PPARA: variants seen among roughly 807,000 people sequenced by gnomAD.
The protein encoded by PPARA is peroxisome proliferator activated receptor alpha, also known as peroxisome proliferator-activated receptor alpha.
PPARA carries 22 observed loss-of-function variants against 42.2 expected under a neutral mutation model. That is an observed-to-expected ratio of 0.52 (90% CI 0.37 to 0.74). The LOEUF is 0.74. Ranked by LOEUF, PPARA falls within the 30% of genes least tolerant of loss-of-function variation. PPARA has a pLI of 0.00. For synonymous variants in PPARA, 242 were observed against 239.3 expected, an observed-to-expected ratio of 1.01 and a Z score of -0.10; for missense variants, 465 against 608.2, an observed-to-expected ratio of 0.76 and a Z score of 2.48.
At chr22:46,185,931 A>G (rs1930697973) in intron 3 of PPARA, among the ~76,000 whole-genome samples, 1 of 30,992 alleles carries the variant, frequency 3.2e-5, no homozygotes, top group Admixed American at 3.5e-4. Context: ...ATATATATAT[A>G]TATATATATA....
rs1601634314 is a variant in PPARA, at chr22:46,171,332, G to A, written c.-126-5421G>A. On this transcript the variant is annotated intron_variant, in intron 2 of 8. Transcript: ENST00000407236. The surrounding 1 kb of genome is among the most constrained non-coding windows in gnomAD (Gnocchi z 5.0). ...TATTTGAGCTCCTTCTCTGTACCAG[G>A]CATTGTTCTAAGATACGTAAGTGAA... 6.6e-6 allele frequency: 1 copy of A among 152,400 alleles called. No homozygotes were observed. Among genetic ancestry groups the A allele is most frequent in the Non-Finnish European group, 1.5e-5 (1 of 68,120 alleles). 9.4% of individuals were successfully genotyped at this position (152,400 alleles called of 1,614,324 possible).
rs1033065352 is a variant in PPARA, at chr22:46,182,318, A to C, written c.-43+5482A>C. Among the ~76,000 whole-genome samples the C allele has an allele frequency of 6.6e-6, 1 of 152,242 alleles. No homozygotes were observed. The highest frequency in any genetic ancestry group is 1.5e-5 in the Non-Finnish European group (1 of 68,044). On this transcript the variant is annotated intron_variant, in intron 3 of 8. Transcript: ENST00000407236. The surrounding 1 kb of genome is among the most constrained non-coding windows in gnomAD (Gnocchi z 5.2). ...CTTGGAAACCATTCAGATGCCATTA[A>C]TAGGTGAATATATTCTCAAACTGTG...
In PPARA at chr22:46,203,424, T is replaced by C. The variant is rs181768054; in HGVS notation, c.208+4833T>C. On this transcript the variant is annotated intron_variant, in intron 4 of 8. Transcript: ENST00000407236. The surrounding 1 kb of genome is among the most constrained non-coding windows in gnomAD (Gnocchi z 5.8). ...TTTCTTCCCGGCTTTATTGCCATAA[T>C]TGACATACAATAAACTGCATGTATT... 1.3e-5 allele frequency among the ~76,000 whole-genome samples: 2 copies of C among 152,284 alleles called. No homozygotes were observed. Among genetic ancestry groups the C allele is most frequent in the East Asian group, 1.9e-4 (1 of 5,186 alleles).
intron 4 of PPARA, among the ~76,000 whole-genome samples, chr22:46,207,668 ATTATTATTATTTTTTTT>A (rs1295274597): frequency 6.3e-5 from 5 of 79,768 alleles, no homozygotes; most frequent in African/African-American, 2.7e-4. Context: ...TATTATTATT[ATTATTATTATTTTTTTT>A]TTTTTTTTTT....
chr22:46,215,051 G>A lies in PPARA; in HGVS notation c.209-122G>A, dbSNP rs1934343870. On this transcript the variant is annotated intron_variant, in intron 4 of 8. Coordinates refer to ENST00000407236, the MANE Select transcript of PPARA (RefSeq NM_005036.6). ...AGGCAGGGCCCGGCCCCGCATGGGT[G>A]TTCTGAGGTTTATGCCTCAGCACTA... 16 of 1,248,614 alleles carry A rather than the reference G, an allele frequency of 1.3e-5. No individual in the cohort carries two copies. The South Asian group carries it at 1.9e-4, about 15-fold the overall frequency. 77.3% of individuals were successfully genotyped at this position (1,248,614 alleles called of 1,614,324 possible).
At position 46,198,445 on chromosome 22, in the gene PPARA, G is replaced by A; in HGVS notation, c.62G>A (p.Ser21Asn). ...LSPLEAGDLE[S>N]PLSEEFLQEM... The stretch of plus-strand genomic sequence containing the variant: ...CCACTCGAGGCCGGCGATCTAGAGA[G>A]CCCGTTATCTGAAGAGTTCCTGCAA... The change falls in exon 4 of 9, where the codon AGC becomes AAC. Residue 21 changes from serine to asparagine, a missense_variant. Around this residue, in one of 2 missense-constraint regions of PPARA, gnomAD observed 152 missense variants for 139.1 expected, o/e 1.09. Transcript: ENST00000407236. The A allele has an allele frequency of 6.2e-7, 1 of 1,613,782 alleles. No individual in the cohort carries two copies. Among genetic ancestry groups the A allele is most frequent in the African/African-American group, 1.3e-5 (1 of 74,940 alleles).
Position 46,192,043 on chromosome 22 carries a change from G to A in PPARA, c.-42-6299G>A, listed in dbSNP as rs1931636407. 6.6e-6 allele frequency among the ~76,000 whole-genome samples: 1 copy of A among 152,196 alleles called. No homozygotes were observed. Among genetic ancestry groups the A allele is most frequent in the Non-Finnish European group, 1.5e-5 (1 of 68,032 alleles). On this transcript the variant is annotated intron_variant, in intron 3 of 8. Coordinates refer to ENST00000407236, the MANE Select transcript of PPARA (RefSeq NM_005036.6). This position sits in a 1 kb window ranked among gnomAD's most constrained non-coding sequence, Gnocchi z 4.3. ...TCACGCCACTGTACTCCAGCCTGGT[G>A]ACAGAGTGAGACTCCATCTCAAAAA...
chr22:46,150,672 CGGGCGGGCGGGA>C lies in PPARA; in HGVS notation c.-210+21_-210+32del, dbSNP rs1386159574. On this transcript the variant is annotated intron_variant, in intron 1 of 8. Transcript: ENST00000407236. This position sits in a 1 kb window ranked among gnomAD's most constrained non-coding sequence, Gnocchi z 7.5. Reference sequence around the variant, plus strand: ...GCCCAGGTGCCCGGGGGCGGGCGGGCGGGCGGGCGGGAACGCGCGCGGGGGTCCGCGGTCCGG... The same window carrying C: ...GCCCAGGTGCCCGGGGGCGGGCGGGCACGCGCGCGGGGGTCCGCGGTCCGG... The C allele has an allele frequency of 5.3e-5, 1 of 19,038 alleles. No homozygotes were observed. Among genetic ancestry groups the C allele is most frequent in the Non-Finnish European group, 1.2e-4 (1 of 8,298 alleles). The allele number at this position is 19,038 out of a possible 1,614,324, so 1.2% of individuals were successfully genotyped here. A position where few individuals can be genotyped will look rare whatever the true frequency, so the allele number is the denominator to read the frequency against.
rs1396040583 is a variant in PPARA at position 46,231,283 on chromosome 22, A to T, written c.712-509A>T. 6.6e-6 allele frequency among the ~76,000 whole-genome samples: 1 copy of T among 151,564 alleles called. No homozygotes were observed. The highest frequency in any genetic ancestry group is 1.5e-5 in the Non-Finnish European group (1 of 67,958). ...ACCCAGGCTGGAGTGCAGTGGCGCA[A>T]TGTCGGCTCACTGCAAGCTCTGCCT... On this transcript the variant is annotated intron_variant, in intron 7 of 8. Coordinates refer to ENST00000407236, the MANE Select transcript of PPARA (RefSeq NM_005036.6). The surrounding 1 kb of genome is among the most constrained non-coding windows in gnomAD (Gnocchi z 7.7).
intron 2 of PPARA, among the ~76,000 whole-genome samples, chr22:46,152,311 G>A (rs1244545746): frequency 6.6e-6 from 1 of 151,864 alleles, no homozygotes; most frequent in Non-Finnish European, 1.5e-5. Flanking sequence ...GCTAATTTTT[G>A]TAGTTTTAGT....
At chr22:46,210,138 C>T (rs538686991) in intron 4 of PPARA, among the ~76,000 whole-genome samples, 6 of 151,736 alleles carry the variant, frequency 4.0e-5, no homozygotes, top group East Asian at 2.0e-4. Context: ...GGAGAAACCC[C>T]GTCTCTACAA....
Position 46,231,244 on chromosome 22 carries a change from A to G in PPARA, c.712-548A>G, listed in dbSNP as rs1601823296. On this transcript the variant is annotated intron_variant, in intron 7 of 8. Coordinates refer to ENST00000407236, the MANE Select transcript of PPARA (RefSeq NM_005036.6). This position sits in a 1 kb window ranked among gnomAD's most constrained non-coding sequence, Gnocchi z 7.7. ...AATTTTTTTTTTTTTTTTGAGACGG[A>G]GTCTCGCTCTGTCACCCAGGCTGGA... Among the ~76,000 whole-genome samples, 1 of 146,258 alleles carries G rather than the reference A, an allele frequency of 6.8e-6. No individual in the cohort carries two copies. Among genetic ancestry groups the G allele is most frequent in the African/African-American group, 2.5e-5 (1 of 39,484 alleles).
In PPARA at chr22:46,198,576, G is replaced by C; in HGVS notation, c.193G>C (p.Gly65Arg). The change falls in exon 4 of 9, where the codon GGC becomes CGC. Residue 65 changes from glycine to arginine, a missense_variant. This residue lies in a region of PPARA where 152 missense variants were observed against 139.1 expected (regional missense o/e 1.09). Transcript: ENST00000407236. ...TTTAGGAAGCTGTCCTGGCTCAGAT[G>C]GCTCGGTCATCACGGGTAAGTGTGC... ...QYLGSCPGSD[G>R]SVITDTLSPA... The C allele has an allele frequency of 1.2e-6, 2 of 1,613,760 alleles. No individual in the cohort carries two copies. The highest frequency in any genetic ancestry group is 1.7e-6 in the Non-Finnish European group (2 of 1,179,874).
intron 4 of PPARA, among the ~76,000 whole-genome samples, chr22:46,201,236 A>T (rs1932821812): frequency 6.6e-6 from 1 of 151,952 alleles, no homozygotes; most frequent in Non-Finnish European, 1.5e-5. Context: ...TATTCTCTGC[A>T]TGCTGGCATG....
Position 46,218,272 on chromosome 22 carries a change from C to A in PPARA, c.379C>A (p.Arg127=). The A allele has an allele frequency of 6.2e-7, 1 of 1,614,072 alleles. No homozygotes were observed. Among genetic ancestry groups the A allele is most frequent in the Non-Finnish European group, 8.5e-7 (1 of 1,180,016 alleles). ...HACEGCKGFF[R]RTIRLKLVYD... is the part of the protein sequence containing the mutation. ...TGTATTACCCTCACAGGGCTTCTTT[C>A]GGCGAACGATTCGACTCAAGCTGGT... Residue 127 remains arginine, a synonymous_variant, in exon 6 of 9, where the codon CGG becomes AGG. Coordinates refer to ENST00000407236, the MANE Select transcript of PPARA (RefSeq NM_005036.6).
rs995654098 is a variant in PPARA, at chr22:46,240,464, C to T, written c.*5084C>T. On this transcript the variant is annotated 3_prime_UTR_variant, in exon 9 of 9. Transcript: ENST00000407236. This position sits in a 1 kb window ranked among gnomAD's most constrained non-coding sequence, Gnocchi z 6.0. ...TCCTCAGCTCCCATCTCCTGGACTGCCAGCCTCACCCTCTGCAGTTAGCAT... is the reference window on the plus strand; with the variant it reads ...TCCTCAGCTCCCATCTCCTGGACTGTCAGCCTCACCCTCTGCAGTTAGCAT... 2 of 390,600 alleles carry T rather than the reference C, an allele frequency of 5.1e-6. No homozygotes were observed. The highest frequency in any genetic ancestry group is 9.0e-6 in the Non-Finnish European group (2 of 221,656). The allele number at this position is 390,600 out of a possible 1,614,324, so 24.2% of individuals were successfully genotyped here.
At position 46,200,139 on chromosome 22, in the gene PPARA, G is replaced by T. The variant is rs1932777459; in HGVS notation, c.208+1548G>T. ...CAGTCACCTCCTGAGCAAGATGGAGGGAGAACTGGGGAGGGGTCCCATGGG... is the reference window on the plus strand; with the variant it reads ...CAGTCACCTCCTGAGCAAGATGGAGTGAGAACTGGGGAGGGGTCCCATGGG... On this transcript the variant is annotated intron_variant, in intron 4 of 8. Coordinates refer to ENST00000407236, the MANE Select transcript of PPARA (RefSeq NM_005036.6). This position sits in a 1 kb window ranked among gnomAD's most constrained non-coding sequence, Gnocchi z 4.8. Among the ~76,000 whole-genome samples, 1 of 152,210 alleles carries T rather than the reference G, an allele frequency of 6.6e-6. No individual in the cohort carries two copies. The highest frequency in any genetic ancestry group is 6.5e-5 in the Admixed American group (1 of 15,278).
intron 4 of PPARA, among the ~76,000 whole-genome samples, chr22:46,208,950 A>T: frequency 6.6e-6 from 1 of 151,020 alleles, no homozygotes; most frequent in East Asian, 1.9e-4. Flanking sequence ...CATTTTCTTT[A>T]TCTCTTCGTT....
chr22:46,214,558 CGGGGGTCCAGAGATGT>C (rs1467152222), intron 4 of PPARA, among the ~76,000 whole-genome samples: 1 of 54,552 alleles, frequency 1.8e-5, no homozygotes, highest in African/African-American at 8.3e-5. Context: ...TCAGGAGATG[CGGGGGTCCAGAGATGT>C]GGGGGTCCGG....
Sources: allele counts gnomAD v4.1 joint callset (sites outside exome capture counted in the v4.1 genomes callset), GRCh38; gene constraint gnomAD v4.1.1; regional missense constraint gnomAD v4.1.1; non-coding constraint Gnocchi (gnomAD v3.1); transcripts MANE v1.5; gene names NCBI Gene and HGNC (gene_info 2026-07-23, HGNC 2026-07-21).